Variants in HDAC9 observed in about 807,000 individuals in gnomAD.
HDAC9 encodes the protein histone deacetylase 9.
Under a neutral mutation model 139.4 loss-of-function variants are expected in HDAC9, and 41 were observed. That is an observed-to-expected ratio of 0.29 (90% CI 0.23 to 0.38). HDAC9 has a LOEUF of 0.38. Among genes scored for constraint, HDAC9 ranks in the 10% least tolerant of loss-of-function variants. The probability of loss-of-function intolerance (pLI) is 1.00; values close to 1 mark genes in which losing one functional copy is unlikely to be tolerated. For synonymous variants in HDAC9, 517 were observed against 476.2 expected (o/e 1.09, Z -1.12); for missense variants, 1,147 against 1,297.0 (o/e 0.88, Z 1.78).
chr7:18,899,658 T>A (rs1801519427), intron 22 of HDAC9, among the ~76,000 whole-genome samples: 1 of 151,840 alleles, frequency 6.6e-6, no homozygotes, highest in African/African-American at 2.4e-5. Flanking sequence ...ATACAGTGAG[T>A]TAATGATACA....
At chr7:18,458,393 T>C (rs1350196712) in intron 1 of HDAC9, among the ~76,000 whole-genome samples, 1 of 152,178 alleles carries the variant, frequency 6.6e-6, no homozygotes, top group Non-Finnish European at 1.5e-5. Context: ...AAAAACCCTC[T>C]AATTATGTGA....
intron 2 of HDAC9, among the ~76,000 whole-genome samples, chr7:18,246,452 A>G (rs550485409): frequency 1.7e-4 from 26 of 152,230 alleles, no homozygotes; most frequent in Middle Eastern, 3.4e-3. Context: ...ACTACTGCCT[A>G]GTTCCAGAAC....
Position 18,647,904 on chromosome 7 carries a change from T to G in HDAC9, c.1155T>G (p.Thr385=), listed in dbSNP as rs1452555723. The G allele has an allele frequency of 6.8e-6, 11 of 1,612,856 alleles. No individual in the cohort carries two copies. The highest frequency in any genetic ancestry group is 3.3e-5 in the Admixed American group (2 of 59,866). ...CATCTTCCAGCCACCCTCATGTTACTTTAGAGGGAAAGCCACCCAACAGCA... is the reference window on the plus strand; with the variant it reads ...CATCTTCCAGCCACCCTCATGTTACGTTAGAGGGAAAGCCACCCAACAGCA... ...IPASSSHPHV[T]LEGKPPNSSH... Residue 385 remains threonine (T), a synonymous_variant, in exon 10 of 26, where the codon ACT becomes ACG. Transcript: ENST00000686413.
chr7:18,978,484 C>T (rs1784692330), intron 25 of HDAC9, among the ~76,000 whole-genome samples: 3 of 151,940 alleles, frequency 2.0e-5, no homozygotes, highest in Admixed American at 2.0e-4. Flanking sequence ...TAGGAAAAGG[C>T]TGATATGTGG....
Position 18,585,230 on chromosome 7 carries a change from A to G in HDAC9, c.23-51A>G, listed in dbSNP as rs758581478. On this transcript the variant is annotated intron_variant, in intron 2 of 25. Transcript: ENST00000686413. ...TTCCAAATCAATGTGCTAATTTCCA[A>G]TCTTCTATTACCCTCCCCCACCCCA... The G allele has an allele frequency of 3.0e-5, 47 of 1,583,386 alleles. No individual in the cohort carries two copies. The Admixed American group carries it at 3.1e-4, about 10-fold the overall frequency.
chr7:18,255,025 C>T (rs1372799294), intron 2 of HDAC9, among the ~76,000 whole-genome samples: 2 of 152,088 alleles, frequency 1.3e-5, no homozygotes, highest in African/African-American at 4.8e-5. Flanking sequence ...ATAAAAGTGA[C>T]TTGTTTCATA....
intron 12 of HDAC9, among the ~76,000 whole-genome samples, chr7:18,701,406 A>C (rs2541320): frequency 0.23 from 33,234 of 143,448 alleles, 4,018 homozygotes; most frequent in African/African-American, 0.34. Context: ...TTAAAAAAAA[A>C]CAAAACAAAC....
chr7:18,816,976 G>A (rs145871455), intron 17 of HDAC9, among the ~76,000 whole-genome samples: 18 of 151,224 alleles, frequency 1.2e-4, no homozygotes, highest in African/African-American at 3.1e-4. Flanking sequence ...AACTTTACCC[G>A]AATAAAAGGG....
chr7:18,988,383 T>C (rs1317379144), intron 25 of HDAC9, among the ~76,000 whole-genome samples: 1 of 152,102 alleles, frequency 6.6e-6, no homozygotes, highest in Non-Finnish European at 1.5e-5. Context: ...TTGAGTGAGC[T>C]TCTTAATCCT....
At chr7:18,285,844 A>G (rs1797412604), upstream of HDAC9, among the ~76,000 whole-genome samples, 1 of 152,108 alleles carries the variant, frequency 6.6e-6, no homozygotes, top group South Asian at 2.1e-4. Context: ...GGCTAAAAAT[A>G]ATCACCTTAG....
intron 1 of HDAC9, among the ~76,000 whole-genome samples, chr7:18,310,840 A>T (rs891959448): frequency 6.1e-5 from 9 of 147,074 alleles, no homozygotes; most frequent in African/African-American, 2.4e-4. Context: ...ACACACACAC[A>T]CACACACACT....
intron 1 of HDAC9, among the ~76,000 whole-genome samples, chr7:18,451,368 C>CGCGT (rs1554422575): frequency 1.4e-5 from 2 of 138,800 alleles, no homozygotes; most frequent in African/African-American, 2.7e-5. Flanking sequence ...TGTATATGTG[C>CGCGT]GTGTGTGTGT....
chr7:18,403,688 T>C (rs1171658244), intron 1 of HDAC9, among the ~76,000 whole-genome samples: 1 of 152,252 alleles, frequency 6.6e-6, no homozygotes, highest in African/African-American at 2.4e-5. Flanking sequence ...GAGTAGCTAC[T>C]ATGTCCAAGG....
At chr7:18,661,864 A>C (rs1321260298) in intron 11 of HDAC9, among the ~76,000 whole-genome samples, 1 of 152,134 alleles carries the variant, frequency 6.6e-6, no homozygotes, top group Non-Finnish European at 1.5e-5. Context: ...TCTGTATTGC[A>C]TATCAAAAAT....
chr7:18,847,332 G>C (rs1312147671), intron 21 of HDAC9, among the ~76,000 whole-genome samples: 2 of 151,930 alleles, frequency 1.3e-5, no homozygotes, highest in African/African-American at 4.8e-5. Context: ...AAACATTTTT[G>C]TTTGTGCCTT....
At chr7:18,651,136 C>G (rs1457059290) in intron 11 of HDAC9, among the ~76,000 whole-genome samples, 1 of 152,134 alleles carries the variant, frequency 6.6e-6, no homozygotes, top group Non-Finnish European at 1.5e-5. Flanking sequence ...GGGTCAGATT[C>G]ATAACTTAGA....
chr7:18,467,297 A>G (rs751466943), intron 1 of HDAC9, among the ~76,000 whole-genome samples: 16 of 152,076 alleles, frequency 1.1e-4, no homozygotes, highest in Non-Finnish European at 2.1e-4. Context: ...CCCTACCTCT[A>G]TCAGTCATTG....
chr7:18,162,256 C>A, exon 2 of HDAC9: 2 of 1,418,218 alleles, frequency 1.4e-6, no homozygotes, highest in South Asian at 1.2e-5. Flanking sequence ...CCCTCCTGGA[C>A]CATTGTCAGC....
At chr7:18,983,472 A>C (rs1235521123) in intron 25 of HDAC9, among the ~76,000 whole-genome samples, 2 of 152,112 alleles carry the variant, frequency 1.3e-5, no homozygotes, top group Non-Finnish European at 2.9e-5. Context: ...ATATACCCAG[A>C]AGTGATATTT....
Sources: gnomAD v4.1 joint callset for allele counts (sites outside exome capture counted in the v4.1 genomes callset) on GRCh38, gnomAD v4.1.1 for gene constraint, MANE v1.5 for transcripts, NCBI Gene and HGNC (gene_info 2026-07-23, HGNC 2026-07-21) for gene names.